FN3K: variants seen among roughly 807,000 people sequenced by gnomAD.
The protein encoded by FN3K is fructosamine-3-kinase.
FN3K carries 24 observed loss-of-function variants against 24.8 expected under a neutral mutation model. The ratio of observed to expected loss-of-function variants is 0.97; its 90% CI spans 0.70 to 1.36. The LOEUF is 1.36. Ranked by LOEUF, FN3K falls within the 40% of genes most tolerant of loss-of-function variation. FN3K has a pLI of 0.00. For missense variants in FN3K, 449 were observed against 416.7 expected (o/e 1.08, Z -0.67); for synonymous variants, 192 against 175.2 (o/e 1.10, Z -0.76).
intron 2 of FN3K, among the ~76,000 whole-genome samples, chr17:82,739,035 C>T (rs2046925114): frequency 6.7e-6 from 1 of 150,000 alleles, no homozygotes; most frequent in Non-Finnish European, 1.5e-5. Context: ...GCAACTTCTG[C>T]CCCCAGGGTT....
chr17:82,743,292 G>A (rs1174607074), intron 4 of FN3K, among the ~76,000 whole-genome samples: 1 of 152,228 alleles, frequency 6.6e-6, no homozygotes, highest in African/African-American at 2.4e-5. Flanking sequence ...AAGCAGACGA[G>A]AAGGGGGCTA....
chr17:82,750,323 A>G, intron 5 of FN3K, 94 bp from the exon 6 acceptor site: 1 of 1,103,476 alleles, frequency 9.1e-7, no homozygotes, highest in Non-Finnish European at 1.4e-6. Flanking sequence ...ACACCGAAGC[A>G]GATCGCGAGT....
At chr17:82,742,824 A>G (rs934959767) in intron 4 of FN3K, 2 of 433,644 alleles carry the variant, frequency 4.6e-6, no homozygotes, top group African/African-American at 4.1e-5. Context: ...AATACTTTCA[A>G]ATCTGTCTCC....
In FN3K at chr17:82,750,713, C is replaced by G. The variant is rs145081026; in HGVS notation, c.888C>G (p.Tyr296Ter). The change falls in exon 6 of 6, where the codon TAC (tyrosine) becomes TAG (stop). Residue 296 changes from tyrosine to a stop codon, truncating the protein, a stop_gained. Transcript: ENST00000300784. LOFTEE classifies it low-confidence loss of function (END_TRUNC). ...LNHWNHFGRE[Y>*]RSPSLGTMRR... ...ACTGGAACCACTTCGGGCGGGAGTACAGGAGCCCTTCCTTGGGCACCATGC... is the reference window on the plus strand; with the variant it reads ...ACTGGAACCACTTCGGGCGGGAGTAGAGGAGCCCTTCCTTGGGCACCATGC... 6.8e-6 allele frequency: 11 copies of G among 1,613,672 alleles called. No homozygotes were observed. The highest frequency in any genetic ancestry group is 5.1e-6 in the Non-Finnish European group (6 of 1,179,984).
chr17:82,750,366 G>T, intron 5 of FN3K, 51 bp from the exon 6 acceptor site: 1 of 1,512,962 alleles, frequency 6.6e-7, no homozygotes, highest in Non-Finnish European at 9.2e-7. Context: ...ACGAGGTGAT[G>T]AGACCGGGGC....
chr17:82,737,572 C>G (rs1160393384), intron 1 of FN3K: 1 of 152,222 alleles, frequency 6.6e-6, no homozygotes, highest in Non-Finnish European at 1.5e-5. Flanking sequence ...TCCGCCCACC[C>G]CGGCCTCCCA....
chr17:82,738,055 C>G, intron 1 of FN3K: 1 of 174,644 alleles, frequency 5.7e-6, no homozygotes, highest in Non-Finnish European at 1.2e-5. Flanking sequence ...GGGCCCAGCC[C>G]TCTTCTTCCC....
At chr17:82,743,381 C>T (rs2046951272) in intron 4 of FN3K, among the ~76,000 whole-genome samples, 1 of 152,206 alleles carries the variant, frequency 6.6e-6, no homozygotes, top group Non-Finnish European at 1.5e-5. Context: ...CAGGTGCAGC[C>T]TGGCTAGGAA....
At chr17:82,746,313 G>T (rs916311957) in intron 4 of FN3K, among the ~76,000 whole-genome samples, 1 of 151,912 alleles carries the variant, frequency 6.6e-6, no homozygotes, top group Non-Finnish European at 1.5e-5. Context: ...GCATCTATTC[G>T]TGTGCCTGTT....
Position 82,750,580 on chromosome 17 carries a change from T to C in FN3K, c.755T>C (p.Phe252Ser). 5 of 1,614,172 alleles carry C rather than the reference T, an allele frequency of 3.1e-6. No homozygotes were observed. The highest frequency in any genetic ancestry group is 4.2e-6 in the Non-Finnish European group (5 of 1,180,030). The change falls in exon 6 of 6, where the codon TTT (phenylalanine) becomes TCT (serine). Residue 252 changes from phenylalanine (F) to serine (S), a missense_variant. Physicochemically the swap from Phe to Ser is radical, Grantham distance 155. Transcript: ENST00000300784. ...TTTGAACTGGCAATCGCCTTGATGT[T>C]TGGGGGGTTCCCCAGATCCTTCTTC... Reference protein sequence around the residue: ...SEFELAIALMFGGFPRSFFTA... With the variant: ...SEFELAIALMSGGFPRSFFTA...
At chr17:82,742,015 C>T (rs1169112344) in intron 4 of FN3K, among the ~76,000 whole-genome samples, 2 of 152,198 alleles carry the variant, frequency 1.3e-5, no homozygotes, top group African/African-American at 4.8e-5. Flanking sequence ...TCAAGCGGTT[C>T]TCCTGTCTCA....
chr17:82,749,234 G>A, intron 5 of FN3K: 1 of 559,066 alleles, frequency 1.8e-6, no homozygotes, highest in Non-Finnish European at 3.2e-6. Flanking sequence ...CTTTCCTCAT[G>A]TGAAACACAG....
intron 5 of FN3K, 66 bp downstream of exon 5, chr17:82,749,043 G>A (rs2046985360): frequency 3.1e-6 from 5 of 1,609,582 alleles, no homozygotes; most frequent in Middle Eastern, 1.7e-4. Context: ...CATTTGTGCG[G>A]GTTCATCTGT....
intron 2 of FN3K, among the ~76,000 whole-genome samples, chr17:82,739,550 T>G (rs952588907): frequency 1.3e-5 from 2 of 150,724 alleles, no homozygotes; most frequent in African/African-American, 4.9e-5. Flanking sequence ...CTCTGCCTCC[T>G]GGGTTGACGC....
chr17:82,736,434 G>C (rs954565768), intron 1 of FN3K: 4 of 152,422 alleles, frequency 2.6e-5, no homozygotes, highest in African/African-American at 9.7e-5. Flanking sequence ...TACTCGGGAG[G>C]CTGAGGCAGG....
chr17:82,750,244 G>A (rs1747183503), intron 5 of FN3K, among the ~76,000 whole-genome samples, 173 bp from the exon 6 acceptor site: 2 of 152,190 alleles, frequency 1.3e-5, no homozygotes, highest in South Asian at 4.1e-4. Context: ...TCCTAAGTTA[G>A]ACAAAGCTAG....
chr17:82,748,142 C>CTTTT (rs145352692), intron 4 of FN3K, among the ~76,000 whole-genome samples: 1 of 141,868 alleles, frequency 7.0e-6, no homozygotes, highest in Non-Finnish European at 1.5e-5. Flanking sequence ...CTCTAGCTTT[C>CTTTT]TTTTTTTTTT....
intron 2 of FN3K, among the ~76,000 whole-genome samples, chr17:82,738,939 TA>T (rs1188589478): frequency 6.9e-5 from 7 of 101,426 alleles, no homozygotes; most frequent in African/African-American, 1.7e-4. Context: ...TATATATATA[TA>T]TATATATTTT....
intron 2 of FN3K, among the ~76,000 whole-genome samples, chr17:82,738,940 A>ACGTG (rs1568067663): frequency 5.9e-5 from 6 of 102,322 alleles, no homozygotes; most frequent in South Asian, 3.8e-4. Context: ...ATATATATAT[A>ACGTG]TATATATTTT....
Sources: gnomAD v4.1 joint callset for allele counts (sites outside exome capture counted in the v4.1 genomes callset) on GRCh38, gnomAD v4.1.1 for gene constraint, MANE v1.5 for transcripts, NCBI Gene and HGNC (gene_info 2026-07-23, HGNC 2026-07-21) for gene names.